GUCY1A2: variants seen among roughly 807,000 people sequenced by gnomAD.
The protein encoded by GUCY1A2 is guanylate cyclase 1 soluble subunit alpha 2.
Under a neutral mutation model 63.5 loss-of-function variants are expected in GUCY1A2, and 27 were observed. The ratio of observed to expected loss-of-function variants is 0.43; its 90% CI spans 0.31 to 0.59. GUCY1A2 has a LOEUF of 0.59. GUCY1A2 is among the 20% of genes least tolerant of loss of function. The pLI, the probability that GUCY1A2 is intolerant of heterozygous loss-of-function variation, is 0.11. For synonymous variants in GUCY1A2, 364 were observed against 343.5 expected (o/e 1.06, Z -0.66); for missense variants, 768 against 913.3 (o/e 0.84, Z 2.05).
At chr11:106,997,491 T>A (rs953431794) in intron 1 of GUCY1A2, among the ~76,000 whole-genome samples, 2 of 152,034 alleles carry the variant, frequency 1.3e-5, no homozygotes, top group African/African-American at 4.8e-5. Context: ...CAGGCCTATG[T>A]TGTGTAAACT....
intron 1 of GUCY1A2, among the ~76,000 whole-genome samples, chr11:106,989,905 T>C (rs1861449622): frequency 6.6e-6 from 1 of 152,170 alleles, no homozygotes; most frequent in South Asian, 2.1e-4. Flanking sequence ...CCCAGGCATT[T>C]ACTTTACAGC....
rs1858982339 is a variant in GUCY1A2 at position 106,827,156 on chromosome 11, C to T, written c.1207-16678G>A. 3.3e-6 allele frequency: 5 copies of T among 1,495,212 alleles called. No individual in the cohort carries two copies. In the African/African-American group the frequency reaches 4.1e-5, roughly 12 times the overall value. The allele number at this position is 1,495,212 out of a possible 1,614,324, so 92.6% of individuals were successfully genotyped here. ...ATCTTATGAGAAAACTCTTTTGTTC[C>T]TTTAAGATTCAAGCCTTCATGCCAA... On this transcript the variant is annotated intron_variant, in intron 4 of 7. Coordinates refer to ENST00000526355, the MANE Select transcript of GUCY1A2 (RefSeq NM_000855.3).
chr11:106,911,865 T>G (rs1245651946), intron 4 of GUCY1A2, among the ~76,000 whole-genome samples: 2 of 152,212 alleles, frequency 1.3e-5, no homozygotes, highest in South Asian at 4.1e-4. Context: ...CATATTTAGA[T>G]TATATTTTTG....
chr11:106,892,395 A>ATAATTAT (rs1859986313), intron 4 of GUCY1A2, among the ~76,000 whole-genome samples: 1 of 152,078 alleles, frequency 6.6e-6, no homozygotes, highest in Non-Finnish European at 1.5e-5. Flanking sequence ...TTATAATTGA[A>ATAATTAT]CTTTTGTAAT....
At chr11:106,953,234 C>T (rs1469341209) in intron 3 of GUCY1A2, among the ~76,000 whole-genome samples, 2 of 151,962 alleles carry the variant, frequency 1.3e-5, no homozygotes, top group Admixed American at 6.6e-5. Context: ...TAACATGAAG[C>T]GATGTTCAAT....
rs139048374 is a variant in GUCY1A2 at position 106,700,999 on chromosome 11, T to C, written c.1991+7513A>G. 1.1e-3 allele frequency among the ~76,000 whole-genome samples: 163 copies of C among 152,266 alleles called. 1 individual carries two copies. Among genetic ancestry groups the C allele is most frequent in the Non-Finnish European group, 1.7e-3 (118 of 67,998 alleles). ...TGTTTTTGACTAGTATTACTGATTATTAAACTATATCGAAGGTATAGTTTA... is the reference window on the plus strand; with the variant it reads ...TGTTTTTGACTAGTATTACTGATTACTAAACTATATCGAAGGTATAGTTTA... On this transcript the variant is annotated intron_variant, in intron 7 of 7. Coordinates refer to ENST00000526355, the MANE Select transcript of GUCY1A2 (RefSeq NM_000855.3).
rs111788502 is a variant in GUCY1A2, at chr11:106,789,628, T to A, written c.1693-13046A>T. Reference sequence around the variant, plus strand: ...TTGGGCTTGTTTGTACTTGTCCTTCTTGGGAAGGCTTTCCAGGTATTTGAA... The same window carrying A: ...TTGGGCTTGTTTGTACTTGTCCTTCATGGGAAGGCTTTCCAGGTATTTGAA... On this transcript the variant is annotated intron_variant, in intron 5 of 7. Transcript: ENST00000526355. 2.2e-3 allele frequency among the ~76,000 whole-genome samples: 328 copies of A among 152,274 alleles called. 3 individuals carry two copies. The East Asian group carries it at 0.036, about 17-fold the overall frequency.
intron 3 of GUCY1A2, among the ~76,000 whole-genome samples, chr11:106,973,861 A>G (rs1591350035): frequency 6.6e-6 from 1 of 152,114 alleles, no homozygotes; most frequent in African/African-American, 2.4e-5. Context: ...TTCATGTTCC[A>G]TTTGTTTGTT....
chr11:106,944,683 C>T (rs1860802303), intron 3 of GUCY1A2, among the ~76,000 whole-genome samples: 1 of 152,062 alleles, frequency 6.6e-6, no homozygotes, highest in African/African-American at 2.4e-5. Context: ...TTAAAACATA[C>T]ATCAGAAATA....
chr11:106,898,481 C>T (rs1860081834), intron 4 of GUCY1A2, among the ~76,000 whole-genome samples: 3 of 152,196 alleles, frequency 2.0e-5, no homozygotes, highest in South Asian at 2.1e-4. Context: ...ACACTCTGAA[C>T]ATGCAGGCAA....
At chr11:106,969,391 G>A (rs1861166258) in intron 3 of GUCY1A2, among the ~76,000 whole-genome samples, 1 of 152,116 alleles carries the variant, frequency 6.6e-6, no homozygotes, top group African/African-American at 2.4e-5. Flanking sequence ...AGTTGAGTCA[G>A]AGTTATGCAT....
rs1407891441 is a variant in GUCY1A2 at position 106,709,471 on chromosome 11, T to A, written c.1837-805A>T. 3.1e-4 allele frequency among the ~76,000 whole-genome samples: 26 copies of A among 82,964 alleles called. 1 individual carries two copies. The highest frequency in any genetic ancestry group is 8.1e-4 in the Admixed American group (4 of 4,934). 54.4% of individuals were successfully genotyped at this position (82,964 alleles called of 152,430 possible). A position where few individuals can be genotyped will look rare whatever the true frequency, so the allele number is the denominator to read the frequency against. On this transcript the variant is annotated intron_variant, in intron 6 of 7. Transcript: ENST00000526355. ...TATATTCTATATTTATAGAATAATA[T>A]ATATTATTATATATTTATATATATA...
intron 4 of GUCY1A2, among the ~76,000 whole-genome samples, chr11:106,935,891 TC>T (rs1398230912): frequency 2.0e-5 from 3 of 150,966 alleles, no homozygotes; most frequent in African/African-American, 7.3e-5. Flanking sequence ...AAAATCATGA[TC>T]AATTGACCTC....
intron 4 of GUCY1A2, among the ~76,000 whole-genome samples, chr11:106,904,623 T>C (rs1310155518): frequency 1.3e-5 from 2 of 152,094 alleles, no homozygotes; most frequent in Non-Finnish European, 2.9e-5. Context: ...TCTAGTCTCC[T>C]AAAATGTTTC....
intron 4 of GUCY1A2, among the ~76,000 whole-genome samples, chr11:106,868,975 T>C (rs1488794761): frequency 4.6e-5 from 7 of 152,162 alleles, no homozygotes; most frequent in Non-Finnish European, 1.0e-4. Flanking sequence ...TATCTGATCT[T>C]TGACAAACCT....
chr11:106,913,511 G>T (rs1307433394), intron 4 of GUCY1A2, among the ~76,000 whole-genome samples: 2 of 152,094 alleles, frequency 1.3e-5, no homozygotes. Flanking sequence ...AAGCTGGTCA[G>T]TCATGAAGGA....
At chr11:106,881,518 A>G (rs1406391235) in intron 4 of GUCY1A2, among the ~76,000 whole-genome samples, 1 of 152,076 alleles carries the variant, frequency 6.6e-6, no homozygotes, top group East Asian at 1.9e-4. Context: ...AATTTATTAC[A>G]TATGAAAGTC....
chr11:106,941,051 T>C (rs1261408252), intron 3 of GUCY1A2, among the ~76,000 whole-genome samples: 1 of 152,082 alleles, frequency 6.6e-6, no homozygotes, highest in Non-Finnish European at 1.5e-5. Context: ...GGGAAAGACA[T>C]GCAGGTCAGC....
At position 106,810,294 on chromosome 11, in the gene GUCY1A2, C is replaced by T; in HGVS notation, c.1391G>A (p.Gly464Glu). The change falls in exon 5 of 8, where the codon GGG (glycine) becomes GAG (glutamate). Residue 464 changes from glycine (G) to glutamate (E), a missense_variant. Transcript: ENST00000526355. ...LVGEQAKAQDGLKKRMDKLKA... is the reference protein window; with the variant it reads ...LVGEQAKAQDELKKRMDKLKA... The stretch of plus-strand genomic sequence containing the variant: ...TAATTTATCCATCCTTTTCTTCAAC[C>T]CATCTTGGGCCTTTGCCTGCTCACC... 2 of 1,613,820 alleles carry T rather than the reference C, an allele frequency of 1.2e-6. No homozygotes were observed. Among genetic ancestry groups the T allele is most frequent in the South Asian group, 1.1e-5 (1 of 91,070 alleles).
Sources: allele counts gnomAD v4.1 joint callset (sites outside exome capture counted in the v4.1 genomes callset), GRCh38; gene constraint gnomAD v4.1.1; transcripts MANE v1.5; gene names NCBI Gene and HGNC (gene_info 2026-07-23, HGNC 2026-07-21).